TNFSF4: variants seen among roughly 807,000 people sequenced by gnomAD.
TNFSF4 encodes TNF superfamily member 4, also known as tumor necrosis factor ligand superfamily member 4.
TNFSF4 carries 4 observed loss-of-function variants against 7.3 expected under a neutral mutation model. That is an observed-to-expected ratio of 0.55 (90% confidence interval 0.27 to 1.25). The LOEUF (loss-of-function observed/expected upper bound fraction) is 1.25. TNFSF4 is among the 50% of genes most tolerant of loss of function. The probability of loss-of-function intolerance (pLI) is 0.12; values close to 1 mark genes in which losing one functional copy is unlikely to be tolerated. For synonymous variants in TNFSF4, 76 were observed against 83.7 expected, an observed-to-expected ratio of 0.91 and a Z score of 0.50; for missense variants, 181 against 208.8, an observed-to-expected ratio of 0.87 and a Z score of 0.82.
chr1:173,286,228 G>T, the TNFSF4 span, among the ~76,000 whole-genome samples: 1 of 152,074 alleles, frequency 6.6e-6, no homozygotes, highest in South Asian at 2.1e-4. Context: ...GCTAAGATTT[G>T]ATTTGTTTTG....
At chr1:173,191,515 C>T (rs1215683463) in intron 1 of TNFSF4, among the ~76,000 whole-genome samples, 1 of 152,188 alleles carries the variant, frequency 6.6e-6, no homozygotes, top group African/African-American at 2.4e-5. Flanking sequence ...AGAGACACCC[C>T]CACAGTGCCC....
chr1:173,346,469 G>A, the TNFSF4 span, among the ~76,000 whole-genome samples: 2 of 152,258 alleles, frequency 1.3e-5, no homozygotes, highest in South Asian at 4.2e-4. Flanking sequence ...TGTATTAATT[G>A]TTGCATGTTC....
At chr1:173,437,552 C>T in the TNFSF4 span, among the ~76,000 whole-genome samples, 1 of 152,170 alleles carries the variant, frequency 6.6e-6, no homozygotes. Flanking sequence ...CCTTCTCCCA[C>T]ATTTAACTAA....
chr1:173,369,125 G>A, the TNFSF4 span, among the ~76,000 whole-genome samples: 1 of 152,134 alleles, frequency 6.6e-6, no homozygotes, highest in Admixed American at 6.5e-5. Context: ...CAAAATTGGG[G>A]GGGATATCAT....
the TNFSF4 span, among the ~76,000 whole-genome samples, chr1:173,437,833 G>A: frequency 1.1e-4 from 16 of 152,032 alleles, no homozygotes; most frequent in Admixed American, 6.5e-4. Flanking sequence ...CCTACTTATT[G>A]TTCCTATTCA....
At chr1:173,391,918 A>G in the TNFSF4 span, among the ~76,000 whole-genome samples, 1 of 152,250 alleles carries the variant, frequency 6.6e-6, no homozygotes, top group African/African-American at 2.4e-5. Flanking sequence ...GTAAGCCAGA[A>G]TGCTCAATCA....
At chr1:173,430,782 C>CA in the TNFSF4 span, among the ~76,000 whole-genome samples, 2 of 152,198 alleles carry the variant, frequency 1.3e-5, no homozygotes, top group Non-Finnish European at 2.9e-5. Flanking sequence ...AGATGTAACT[C>CA]AGAGGCTGTG....
Position 173,207,147 on chromosome 1 carries a change from A to G in TNFSF4, c.30T>C (p.Asn10=). ...ATCTTGGCCTGGCTGCATTTCCCAC[A>G]TTCTCTTCCAGGGGTTGGACCCTTT... The part of the protein sequence containing the change: MERVQPLEE[N]VGNAARPRFE... Residue 10 remains asparagine (N), a synonymous_variant, in exon 1 of 3, where the codon AAT becomes AAC. Transcript: ENST00000281834. 2 of 1,613,772 alleles carry G rather than the reference A, an allele frequency of 1.2e-6. No individual in the cohort carries two copies. The highest frequency in any genetic ancestry group is 1.3e-5 in the African/African-American group (1 of 75,024).
the TNFSF4 span, among the ~76,000 whole-genome samples, chr1:173,399,145 T>A: frequency 6.6e-6 from 1 of 152,180 alleles, no homozygotes; most frequent in Non-Finnish European, 1.5e-5. Flanking sequence ...TGTATGGGAC[T>A]GGGTCTGAAC....
At chr1:173,304,857 T>C in the TNFSF4 span, among the ~76,000 whole-genome samples, 1 of 151,968 alleles carries the variant, frequency 6.6e-6, no homozygotes, top group Non-Finnish European at 1.5e-5. Flanking sequence ...TTATTTTCAT[T>C]AGAAGTAAGT....
chr1:173,194,349 TGAACTTC>T, intron 1 of TNFSF4, among the ~76,000 whole-genome samples: 1 of 152,246 alleles, frequency 6.6e-6, no homozygotes, highest in African/African-American at 2.4e-5. Context: ...TTACTTTTGA[TGAACTTC>T]TATGCCAGTT....
chr1:173,321,331 T>C, the TNFSF4 span, among the ~76,000 whole-genome samples: 1 of 152,004 alleles, frequency 6.6e-6, no homozygotes, highest in Non-Finnish European at 1.5e-5. Context: ...ATTAATTCAA[T>C]ATGGATTAAA....
the TNFSF4 span, among the ~76,000 whole-genome samples, chr1:173,227,814 C>T: frequency 7.9e-5 from 12 of 152,340 alleles, no homozygotes; most frequent in African/African-American, 2.4e-5. Flanking sequence ...TGGAGGGTCC[C>T]ACCCCCACAG....
chr1:173,215,036 G>A, the TNFSF4 span, among the ~76,000 whole-genome samples: 1 of 152,106 alleles, frequency 6.6e-6, no homozygotes, highest in Non-Finnish European at 1.5e-5. Context: ...CCTCCAATGT[G>A]ATTGTATTTG....
At chr1:173,443,050 C>G in the TNFSF4 span, among the ~76,000 whole-genome samples, 4 of 152,174 alleles carry the variant, frequency 2.6e-5, no homozygotes, top group African/African-American at 9.6e-5. Flanking sequence ...AGACAGTGAG[C>G]CTTGAGATGG....
chr1:173,450,187 A>C, the TNFSF4 span, among the ~76,000 whole-genome samples: 2 of 152,162 alleles, frequency 1.3e-5, no homozygotes. Context: ...TAATTTTTAA[A>C]ATTAAAAAAA....
chr1:173,413,812 T>C, the TNFSF4 span, among the ~76,000 whole-genome samples: 1 of 152,204 alleles, frequency 6.6e-6, no homozygotes, highest in East Asian at 1.9e-4. Flanking sequence ...AGCCAATCCA[T>C]GTACACTGCT....
At chr1:173,369,826 TTA>T in the TNFSF4 span, among the ~76,000 whole-genome samples, 1 of 152,134 alleles carries the variant, frequency 6.6e-6, no homozygotes, top group African/African-American at 2.4e-5. Context: ...GTGAAATACT[TTA>T]TGTCCAAGCT....
At chr1:173,409,680 G>A in the TNFSF4 span, among the ~76,000 whole-genome samples, 1 of 152,192 alleles carries the variant, frequency 6.6e-6, no homozygotes, top group African/African-American at 2.4e-5. Flanking sequence ...TGCTTTTAGT[G>A]ATTTTTTCTT....
Sources: allele counts gnomAD v4.1 joint callset (sites outside exome capture counted in the v4.1 genomes callset), GRCh38; gene constraint gnomAD v4.1.1; transcripts MANE v1.5; gene names NCBI Gene and HGNC (gene_info 2026-07-23, HGNC 2026-07-21).